The following FBXL17 variants were observed in gnomAD, a reference collection of about 807,000 sequenced individuals.
The protein encoded by FBXL17 is F-box and leucine rich repeat protein 17.
In FBXL17, 22 loss-of-function variants were observed where a neutral mutation model predicts 66.2. The ratio of observed to expected loss-of-function variants is 0.33; its 90% CI spans 0.24 to 0.47. The LOEUF is 0.47. Ranked by LOEUF, FBXL17 falls within the 20% of genes least tolerant of loss-of-function variation. FBXL17 has a pLI of 1.00. For missense variants in FBXL17, 878 were observed against 948.2 expected (o/e 0.93, Z 0.97); for synonymous variants, 474 against 400.5 (o/e 1.18, Z -2.19).
At chr5:108,104,030 T>C (rs1224400140) in intron 6 of FBXL17, among the ~76,000 whole-genome samples, 1 of 152,060 alleles carries the variant, frequency 6.6e-6, no homozygotes, top group African/African-American at 2.4e-5. Flanking sequence ...CAACCAATTT[T>C]GTTGTTGTTG....
chr5:108,120,348 T>G (rs774925834), intron 6 of FBXL17, among the ~76,000 whole-genome samples: 1 of 152,210 alleles, frequency 6.6e-6, no homozygotes, highest in East Asian at 1.9e-4. Context: ...ATGTTTCAGT[T>G]TGACCATTAT....
At chr5:108,368,207 C>A (rs1478586479) in intron 1 of FBXL17, among the ~76,000 whole-genome samples, 7 of 150,562 alleles carry the variant, frequency 4.6e-5, no homozygotes. Context: ...CGTGTTCATG[C>A]ATATCTTTGT....
intron 4 of FBXL17, chr5:108,298,842 G>A (rs1190256508): frequency 3.3e-6 from 3 of 906,970 alleles, no homozygotes; most frequent in Non-Finnish European, 2.6e-6. Flanking sequence ...AACCTAACAT[G>A]TCAGCATTTA....
At chr5:107,862,707 C>T (rs186294716) in intron 8 of FBXL17, among the ~76,000 whole-genome samples, 1 of 152,206 alleles carries the variant, frequency 6.6e-6, no homozygotes, top group East Asian at 1.9e-4. Flanking sequence ...TTCATTTATA[C>T]CGAGTAAGCT....
At chr5:108,313,893 T>C (rs2150203948) in intron 4 of FBXL17, among the ~76,000 whole-genome samples, 1 of 151,984 alleles carries the variant, frequency 6.6e-6, no homozygotes, top group East Asian at 1.9e-4. Context: ...AGAAAGAACC[T>C]GATAAAACAA....
intron 7 of FBXL17, among the ~76,000 whole-genome samples, chr5:107,922,591 T>C (rs1750361485): frequency 6.6e-6 from 1 of 152,214 alleles, no homozygotes; most frequent in South Asian, 2.1e-4. Flanking sequence ...GCTGTCTTTG[T>C]TTTTTAAACC....
chr5:108,343,782 C>T (rs1341261550), intron 4 of FBXL17, among the ~76,000 whole-genome samples: 1 of 152,118 alleles, frequency 6.6e-6, no homozygotes, highest in Non-Finnish European at 1.5e-5. Flanking sequence ...AAAAATTAAA[C>T]TGTCAGTGGC....
intron 7 of FBXL17, among the ~76,000 whole-genome samples, chr5:107,980,664 A>ATTTTT (rs57472813): frequency 4.5e-4 from 28 of 61,986 alleles, no homozygotes; most frequent in South Asian, 6.1e-4. Context: ...ATATATATAT[A>ATTTTT]TTTTTTTTTT....
intron 6 of FBXL17, among the ~76,000 whole-genome samples, chr5:108,159,557 G>T (rs1022341267): frequency 6.6e-6 from 1 of 152,150 alleles, no homozygotes; most frequent in Non-Finnish European, 1.5e-5. Context: ...TCAGTGAGAA[G>T]GTGCCATCCA....
intron 4 of FBXL17, among the ~76,000 whole-genome samples, chr5:108,319,567 T>C (rs1245665037): frequency 6.6e-6 from 1 of 151,816 alleles, no homozygotes; most frequent in Non-Finnish European, 1.5e-5. Context: ...TTCAAGATAA[T>C]TTAAAAATTT....
At chr5:107,880,662 T>C in intron 8 of FBXL17, 1 of 1,206,124 alleles carries the variant, frequency 8.3e-7, no homozygotes, top group Non-Finnish European at 1.0e-6. Flanking sequence ...ACCTTTACTG[T>C]TGCTGGAAAC....
intron 6 of FBXL17, among the ~76,000 whole-genome samples, chr5:108,106,321 A>C (rs1463340725): frequency 6.6e-6 from 1 of 152,242 alleles, no homozygotes; most frequent in East Asian, 1.9e-4. Context: ...GCAGGATTAT[A>C]AAATGGTGCA....
At chr5:108,160,057 C>T (rs1752148621) in intron 6 of FBXL17, among the ~76,000 whole-genome samples, 1 of 152,054 alleles carries the variant, frequency 6.6e-6, no homozygotes, top group African/African-American at 2.4e-5. Context: ...GATTATTTTG[C>T]TTTGTCAAAT....
chr5:108,366,405 T>C (rs1748666900), intron 2 of FBXL17, among the ~76,000 whole-genome samples: 1 of 152,098 alleles, frequency 6.6e-6, no homozygotes, highest in South Asian at 2.1e-4. Flanking sequence ...AACTACACTG[T>C]TAAGCAGCAC....
At chr5:108,237,294 G>C (rs1488296111) in intron 4 of FBXL17, among the ~76,000 whole-genome samples, 1 of 152,192 alleles carries the variant, frequency 6.6e-6, no homozygotes, top group East Asian at 1.9e-4. Context: ...ATGAGGTACA[G>C]TCTCTGCCTC....
At chr5:108,005,008 C>T (rs769844831) in intron 7 of FBXL17, among the ~76,000 whole-genome samples, 9 of 152,008 alleles carry the variant, frequency 5.9e-5, no homozygotes, top group Non-Finnish European at 1.0e-4. Flanking sequence ...GAACACTCTA[C>T]GCTGGTTAGG....
intron 6 of FBXL17, among the ~76,000 whole-genome samples, chr5:108,158,189 T>C (rs1752067692): frequency 6.6e-6 from 1 of 152,092 alleles, no homozygotes; most frequent in Admixed American, 6.5e-5. Flanking sequence ...CTATTAAAAT[T>C]ATTAAGTTCA....
chr5:108,094,119 T>G (rs756319108), intron 6 of FBXL17, among the ~76,000 whole-genome samples: 6 of 152,150 alleles, frequency 3.9e-5, no homozygotes, highest in Non-Finnish European at 7.4e-5. Context: ...AAACTTTAAA[T>G]GGTTACTTTA....
intron 8 of FBXL17, among the ~76,000 whole-genome samples, chr5:107,871,226 G>A (rs1029794369): frequency 3.9e-5 from 6 of 152,122 alleles, no homozygotes; most frequent in African/African-American, 1.2e-4. Flanking sequence ...GCTATGCTCT[G>A]TCAATATCAC....
Sources: allele counts gnomAD v4.1 joint callset (sites outside exome capture counted in the v4.1 genomes callset), GRCh38; gene constraint gnomAD v4.1.1; transcripts MANE v1.5; gene names NCBI Gene and HGNC (gene_info 2026-07-23, HGNC 2026-07-21).